Variants in DLG2 observed in about 807,000 individuals in gnomAD.
The protein encoded by DLG2 is discs large MAGUK scaffold protein 2.
In DLG2, 45 loss-of-function variants were observed where a neutral mutation model predicts 132.5. The ratio of observed to expected loss-of-function variants is 0.34; its 90% confidence interval spans 0.27 to 0.44. The LOEUF is 0.44. Ranked by LOEUF, DLG2 falls within the 20% of genes least tolerant of loss-of-function variation. The pLI is 1.00. For synonymous variants in DLG2, 424 were observed against 419.6 expected, an observed-to-expected ratio of 1.01 and a Z score of -0.13; for missense variants, 1,045 against 1,196.9, an observed-to-expected ratio of 0.87 and a Z score of 1.87.
At position 84,725,712 on chromosome 11, in the gene DLG2, G is replaced by A. The variant is rs146264596; in HGVS notation, c.358-190981C>T. Among the ~76,000 whole-genome samples, 39 of 152,136 alleles carry A rather than the reference G, an allele frequency of 2.6e-4. 1 individual carries two copies. In the East Asian group the frequency reaches 6.0e-3, roughly 23 times the overall value. On this transcript the variant is annotated intron_variant, in intron 6 of 27. Transcript: ENST00000376104. ...TATCTAAGCTACCATTTCTTGTTCCGTAAAATGGTGATAATACTATAGCAT... is the reference window on the plus strand; with the variant it reads ...TATCTAAGCTACCATTTCTTGTTCCATAAAATGGTGATAATACTATAGCAT...
chr11:85,177,915 A>G (rs1197333305), intron 4 of DLG2, among the ~76,000 whole-genome samples: 1 of 151,972 alleles, frequency 6.6e-6, no homozygotes, highest in African/African-American at 2.4e-5. Context: ...GAAATAGCAG[A>G]AAAAAAATTA....
chr11:83,950,089 G>A (rs1299928840), intron 14 of DLG2, among the ~76,000 whole-genome samples: 3 of 152,114 alleles, frequency 2.0e-5, no homozygotes, highest in Admixed American at 2.0e-4. Context: ...GTCAACATCA[G>A]TTACCTCACG....
chr11:84,075,912 G>T (rs2096824300), intron 10 of DLG2, among the ~76,000 whole-genome samples: 1 of 152,132 alleles, frequency 6.6e-6, no homozygotes, highest in Admixed American at 6.5e-5. Context: ...CTTAATGGTT[G>T]AACTGGTATT....
In DLG2 at chr11:83,748,981, G is replaced by A. The variant is rs1173856666; in HGVS notation, c.1825+37709C>T. 2.0e-5 allele frequency among the ~76,000 whole-genome samples: 3 copies of A among 152,238 alleles called. No individual in the cohort carries two copies. The East Asian group carries it at 5.8e-4, about 29-fold the overall frequency. ...CATTTTTCATACTCTAACATTTTAT[G>A]GGAAAAATTCTACATAGATTTTGGT... On this transcript the variant is annotated intron_variant, in intron 18 of 27. Coordinates refer to ENST00000376104, the MANE Select transcript of DLG2 (RefSeq NM_001142699.3).
rs536758309 is a variant in DLG2, at chr11:84,435,982, T to C, written c.519+98588A>G. ...AATTTTTATAGGAAGAAAGGACTTT[T>C]CTAAAACATTTGTTCCAATAAAAGA... On this transcript the variant is annotated intron_variant, in intron 7 of 27. Transcript: ENST00000376104. Among the ~76,000 whole-genome samples the C allele has an allele frequency of 4.6e-5, 7 of 152,260 alleles. No homozygotes were observed. In the South Asian group the frequency reaches 1.5e-3, roughly 32 times the overall value.
intron 7 of DLG2, among the ~76,000 whole-genome samples, chr11:84,412,740 T>A (rs1408049809): frequency 6.6e-6 from 1 of 152,174 alleles, no homozygotes; most frequent in Non-Finnish European, 1.5e-5. Flanking sequence ...TCCATGGTTT[T>A]GAGCTTTAAG....
intron 3 of DLG2, among the ~76,000 whole-genome samples, chr11:85,477,978 T>C (rs181607762): frequency 1.3e-5 from 2 of 152,022 alleles, no homozygotes; most frequent in East Asian, 3.9e-4. Flanking sequence ...CTTGGAGAAG[T>C]TGGGTATTGG....
intron 18 of DLG2, among the ~76,000 whole-genome samples, chr11:83,659,241 T>A (rs911695315): frequency 1.3e-5 from 2 of 152,202 alleles, no homozygotes; most frequent in African/African-American, 4.8e-5. Flanking sequence ...GGTACTGTTA[T>A]CCCATTTTAC....
intron 18 of DLG2, among the ~76,000 whole-genome samples, chr11:83,712,862 G>C (rs1227138395): frequency 8.6e-5 from 13 of 151,998 alleles, no homozygotes; most frequent in African/African-American, 3.1e-4. Flanking sequence ...TGGATGCTAG[G>C]CTTAATACCT....
At chr11:84,645,342 A>G (rs2099673388) in intron 6 of DLG2, among the ~76,000 whole-genome samples, 1 of 152,224 alleles carries the variant, frequency 6.6e-6, no homozygotes, top group Non-Finnish European at 1.5e-5. Context: ...GGGGCCTAAA[A>G]TAAGGTTAGT....
At chr11:85,087,496 A>T (rs1477359265) in intron 6 of DLG2, among the ~76,000 whole-genome samples, 2 of 152,250 alleles carry the variant, frequency 1.3e-5, no homozygotes, top group African/African-American at 4.8e-5. Flanking sequence ...CCATGTGGCT[A>T]AACCAAAGGG....
rs138441047 is a variant in DLG2, at chr11:85,573,825, C to T, written c.40+24832G>A. On this transcript the variant is annotated intron_variant, in intron 3 of 27. Coordinates refer to ENST00000376104, the MANE Select transcript of DLG2 (RefSeq NM_001142699.3). ...ATCTTGATAAATCAATTCCAGAAGA[C>T]TCAAAAGCTAAATTCATGTGTGTTA... 2.2e-3 allele frequency among the ~76,000 whole-genome samples: 337 copies of T among 152,278 alleles called. 1 individual carries two copies. Among genetic ancestry groups the T allele is most frequent in the African/African-American group, 7.7e-3 (320 of 41,570 alleles).
intron 6 of DLG2, among the ~76,000 whole-genome samples, chr11:84,995,560 C>T (rs2057558147): frequency 1.3e-5 from 2 of 152,154 alleles, no homozygotes; most frequent in African/African-American, 4.8e-5. Flanking sequence ...CCATCACAAT[C>T]ACAACTAGCA....
intron 7 of DLG2, among the ~76,000 whole-genome samples, chr11:84,291,457 T>C (rs2097996483): frequency 6.6e-6 from 1 of 152,170 alleles, no homozygotes; most frequent in East Asian, 1.9e-4. Flanking sequence ...ATATATCCCC[T>C]CATTGAAAAC....
At chr11:84,994,363 T>C (rs1205008683) in intron 6 of DLG2, among the ~76,000 whole-genome samples, 1 of 152,166 alleles carries the variant, frequency 6.6e-6, no homozygotes, top group African/African-American at 2.4e-5. Flanking sequence ...TATGGCTATA[T>C]ATTAAATGTA....
At chr11:85,494,546 A>C (rs773325040) in intron 3 of DLG2, among the ~76,000 whole-genome samples, 1 of 152,068 alleles carries the variant, frequency 6.6e-6, no homozygotes, top group Non-Finnish European at 1.5e-5. Flanking sequence ...CTTTTTTTTA[A>C]TCTTAAAAGT....
chr11:84,353,770 T>C (rs532357288), intron 7 of DLG2, among the ~76,000 whole-genome samples: 1 of 152,312 alleles, frequency 6.6e-6, no homozygotes, highest in South Asian at 2.1e-4. Flanking sequence ...GTGTTCTGTC[T>C]TCTCTCAGAA....
chr11:83,655,272 A>G (rs1566331626), intron 18 of DLG2, among the ~76,000 whole-genome samples: 1 of 152,258 alleles, frequency 6.6e-6, no homozygotes, highest in South Asian at 2.1e-4. Flanking sequence ...AGAAAAGAGT[A>G]TAAGAAGAAA....
chr11:83,506,920 A>T (rs764725258), intron 21 of DLG2, among the ~76,000 whole-genome samples: 2 of 152,036 alleles, frequency 1.3e-5, no homozygotes, highest in African/African-American at 4.8e-5. Flanking sequence ...CCACAATTTC[A>T]TCTTTCACAT....
Sources: allele counts gnomAD v4.1 joint callset (sites outside exome capture counted in the v4.1 genomes callset), GRCh38; gene constraint gnomAD v4.1.1; transcripts MANE v1.5; gene names NCBI Gene and HGNC (gene_info 2026-07-23, HGNC 2026-07-21).